Variants in SOAT1 observed in about 807,000 individuals in gnomAD.
SOAT1 encodes sterol O-acyltransferase 1.
In SOAT1, 55 loss-of-function variants were observed where a neutral mutation model predicts 69.5. The observed-to-expected ratio is 0.79, with a 90% CI of 0.64 to 0.99. SOAT1 has a LOEUF of 0.99. SOAT1 is among the 50% of genes least tolerant of loss of function. SOAT1 has a pLI of 0.00. For synonymous variants in SOAT1, 231 were observed against 224.7 expected (o/e 1.03, Z -0.25); for missense variants, 580 against 669.3 (o/e 0.87, Z 1.47).
At chr1:179,335,931 G>A (rs1666134479) in intron 4 of SOAT1, among the ~76,000 whole-genome samples, 1 of 152,198 alleles carries the variant, frequency 6.6e-6, no homozygotes, top group African/African-American at 2.4e-5. Flanking sequence ...AGCTGAGGCA[G>A]GTGGAACACC....
chr1:179,295,115 G>T (rs891404253), intron 1 of SOAT1, among the ~76,000 whole-genome samples: 1 of 152,080 alleles, frequency 6.6e-6, no homozygotes, highest in Non-Finnish European at 1.5e-5. Flanking sequence ...CTGAGGTTTC[G>T]CAGTCTTTTA....
intron 2 of SOAT1, among the ~76,000 whole-genome samples, chr1:179,311,026 T>C (rs888753126): frequency 6.6e-6 from 1 of 152,088 alleles, no homozygotes; most frequent in African/African-American, 2.4e-5. Context: ...CATGTGACAG[T>C]GTACAAGATG....
intron 14 of SOAT1, among the ~76,000 whole-genome samples, 187 bp downstream of exon 14, chr1:179,350,618 T>C (rs890841463): frequency 7.9e-5 from 12 of 152,226 alleles, no homozygotes; most frequent in Admixed American, 4.6e-4. Flanking sequence ...TCAAGATATT[T>C]ACACTTTGAA....
intron 2 of SOAT1, among the ~76,000 whole-genome samples, chr1:179,309,878 GTTTGTTTTTGTTTTTATT>G (rs1161396443): frequency 6.8e-5 from 10 of 146,192 alleles, no homozygotes; most frequent in Non-Finnish European, 1.2e-4. Context: ...TTTTTTTTTT[GTTTGTTTTTGTTTTTATT>G]TTTGTTTTTG....
chr1:179,316,270 T>C (rs1665389468), intron 2 of SOAT1, among the ~76,000 whole-genome samples: 1 of 152,234 alleles, frequency 6.6e-6, no homozygotes, highest in Non-Finnish European at 1.5e-5. Flanking sequence ...CTTCCATTGA[T>C]GTTAAGTCAG....
chr1:179,321,863 T>G lies in SOAT1; in HGVS notation c.119-1574T>G, dbSNP rs1227509743. Among the ~76,000 whole-genome samples, 5 of 152,118 alleles carry G rather than the reference T, an allele frequency of 3.3e-5. No homozygotes were observed. The East Asian group carries it at 7.7e-4, about 23-fold the overall frequency. On this transcript the variant is annotated intron_variant, in intron 2 of 15. Transcript: ENST00000367619. Reference sequence around the variant, plus strand: ...GGTTAAATGGTTTCTTGTTACTTGCTTATGTTTTCCTTCTTTTTTTCTTTC... The same window carrying G: ...GGTTAAATGGTTTCTTGTTACTTGCGTATGTTTTCCTTCTTTTTTTCTTTC...
Position 179,356,124 on chromosome 1 carries a change from G to A in SOAT1, c.*2483G>A, listed in dbSNP as rs1429821434. 3.3e-5 allele frequency: 5 copies of A among 152,056 alleles called. No individual in the cohort carries two copies. The highest frequency in any genetic ancestry group is 2.9e-5 in the Non-Finnish European group (2 of 67,998). The allele number at this position is 152,056 out of a possible 1,614,324, so 9.4% of individuals were successfully genotyped here. A position where few individuals can be genotyped will look rare whatever the true frequency, so the allele number is the denominator to read the frequency against. ...TTTATTTTTTCTATTTTGCTATTGT[G>A]GCGAAAATTATTTTCAGTTATAGGA... On this transcript the variant is annotated 3_prime_UTR_variant, in exon 16 of 16. Coordinates refer to ENST00000367619, the MANE Select transcript of SOAT1 (RefSeq NM_003101.6).
chr1:179,342,831 CT>C, intron 8 of SOAT1, 30 bp from the exon 9 acceptor site: 1 of 1,528,218 alleles, frequency 6.5e-7, no homozygotes, highest in Non-Finnish European at 9.1e-7. Context: ...ATCAAAGAGC[CT>C]TTGCTCTAAC....
intron 2 of SOAT1, among the ~76,000 whole-genome samples, chr1:179,319,397 G>C (rs1665516521): frequency 6.6e-6 from 1 of 151,588 alleles, no homozygotes; most frequent in African/African-American, 2.4e-5. Flanking sequence ...AGCCTCCCAA[G>C]TAGCTGGGAT....
rs1335657111 is a variant in SOAT1 at position 179,353,667 on chromosome 1, T to A, written c.*26T>A. 37 of 1,588,634 alleles carry A rather than the reference T, an allele frequency of 2.3e-5. No homozygotes were observed. Among genetic ancestry groups the A allele is most frequent in the Non-Finnish European group, 3.1e-5 (36 of 1,157,170 alleles). ...AAGCTTGGACTTTGTTTCCTCCTTG[T>A]CACTGAAGATTGGGTAGCTCCCTGA... On this transcript the variant is annotated 3_prime_UTR_variant, in exon 16 of 16. Transcript: ENST00000367619.
chr1:179,332,743 C>T (rs1666013092), intron 3 of SOAT1, among the ~76,000 whole-genome samples: 1 of 152,202 alleles, frequency 6.6e-6, no homozygotes. Context: ...TTAGTGATCA[C>T]ATACTGAGTT....
chr1:179,311,804 C>G (rs1665230839), intron 2 of SOAT1, among the ~76,000 whole-genome samples: 1 of 152,104 alleles, frequency 6.6e-6, no homozygotes, highest in Non-Finnish European at 1.5e-5. Flanking sequence ...CTGATGACAT[C>G]CATATCATAA....
chr1:179,347,449 C>CT (rs1666573823), intron 11 of SOAT1, 151 bp from the exon 12 acceptor site: 2 of 524,194 alleles, frequency 3.8e-6, no homozygotes, highest in South Asian at 5.2e-5. Flanking sequence ...TAATTAACTC[C>CT]AAAAGTATAT....
chr1:179,338,251 G>A (rs1245799750), intron 5 of SOAT1, among the ~76,000 whole-genome samples: 2 of 152,084 alleles, frequency 1.3e-5, no homozygotes, highest in Non-Finnish European at 1.5e-5. Context: ...AGCCAGGCTT[G>A]GTGGTGCATG....
chr1:179,351,984 C>T (rs1288476578), intron 15 of SOAT1, among the ~76,000 whole-genome samples: 1 of 151,928 alleles, frequency 6.6e-6, no homozygotes, highest in African/African-American at 2.4e-5. Flanking sequence ...TCCCAGAGTG[C>T]TGGAGCCACC....
chr1:179,325,609 T>A (rs946648672), intron 3 of SOAT1, among the ~76,000 whole-genome samples: 1 of 152,196 alleles, frequency 6.6e-6, no homozygotes, highest in Non-Finnish European at 1.5e-5. Context: ...AAACATATTA[T>A]GTTCTATTTG....
At position 179,345,080 on chromosome 1, in the gene SOAT1, A is replaced by G; in HGVS notation, c.1117+4A>G. On this transcript the variant is annotated splice_donor_region_variant and intron_variant, in intron 11 of 15. Coordinates refer to ENST00000367619, the MANE Select transcript of SOAT1 (RefSeq NM_003101.6). ...GTATTTAACTCCATCTTGCCAGGTA[A>G]CATGGGTACTTGTTAATTTGGTCAT... 3 of 1,613,468 alleles carry G rather than the reference A, an allele frequency of 1.9e-6. No homozygotes were observed. Among genetic ancestry groups the G allele is most frequent in the Non-Finnish European group, 2.5e-6 (3 of 1,179,560 alleles).
chr1:179,307,895 G>A (rs577920563), intron 2 of SOAT1, among the ~76,000 whole-genome samples: 2 of 151,752 alleles, frequency 1.3e-5, no homozygotes, highest in Admixed American at 6.6e-5. Flanking sequence ...AGGTTCAAGC[G>A]ATTCTCCTCC....
chr1:179,348,916 T>C lies in SOAT1; in HGVS notation c.1288T>C (p.Tyr430His). ...WNVVVHDWLY[Y>H]YAYKDFLWFF... The stretch of plus-strand genomic sequence containing the variant: ...TGTGGTGGTCCATGACTGGCTATAT[T>C]ACTATGCTTACAAGGACTTTCTCTG... Residue 430 changes from tyrosine (Y) to histidine (H), a missense_variant, in exon 13 of 16, where the codon TAC becomes CAC. Tyr to His is a moderately conservative substitution (Grantham distance 83). Transcript: ENST00000367619. The C allele has an allele frequency of 1.2e-6, 2 of 1,603,550 alleles. No individual in the cohort carries two copies. The highest frequency in any genetic ancestry group is 1.7e-4 in the Middle Eastern group (1 of 6,048).
Sources: allele counts gnomAD v4.1 joint callset (sites outside exome capture counted in the v4.1 genomes callset), GRCh38; gene constraint gnomAD v4.1.1; transcripts MANE v1.5; gene names NCBI Gene and HGNC (gene_info 2026-07-23, HGNC 2026-07-21).